The following SPATA22 variants were observed in gnomAD, a reference collection of about 807,000 sequenced individuals.
SPATA22 encodes spermatogenesis-associated protein 22.
A neutral mutation model predicts 47.8 loss-of-function variants in SPATA22; 29 were observed. That is an observed-to-expected ratio of 0.61 (90% confidence interval 0.45 to 0.83). The LOEUF is 0.83. Ranked by LOEUF, SPATA22 falls within the 40% of genes least tolerant of loss-of-function variation. SPATA22 has a pLI of 0.00. For synonymous variants in SPATA22, 133 were observed against 140.9 expected (o/e 0.94, Z 0.40); for missense variants, 410 against 421.7 (o/e 0.97, Z 0.24).
At chr17:3,472,385 C>A (rs896300786), upstream of SPATA22, 1 of 152,342 alleles carries the variant, frequency 6.6e-6, no homozygotes, top group Non-Finnish European at 1.5e-5. Context: ...GGGGAAGCCG[C>A]GTGGTGTGCG....
chr17:3,458,349 A>G (rs1597398552), intron 5 of SPATA22, among the ~76,000 whole-genome samples: 2 of 152,178 alleles, frequency 1.3e-5, no homozygotes, highest in South Asian at 4.1e-4. Flanking sequence ...GTGCAGAAAA[A>G]AGGCAATCCT....
At chr17:3,500,931 G>A (rs1288662332) in intron 1 of SPATA22, 1 of 139,232 alleles carries the variant, frequency 7.2e-6, no homozygotes, top group Non-Finnish European at 1.6e-5. Context: ...TAAGCCCACT[G>A]TTGAGACCTA....
At position 3,462,707 on chromosome 17, in the gene SPATA22, C is replaced by CTA; in HGVS notation, c.232_233insTA (p.Gly78ValfsTer12). 6.2e-7 allele frequency: 1 copy of CTA among 1,611,738 alleles called. No individual in the cohort carries two copies. The highest frequency in any genetic ancestry group is 8.5e-7 in the Non-Finnish European group (1 of 1,177,882). ...CAATGGTTTATATTTCTCCACATAC[C>CTA]CGGTGTCCACTGTTTTCATTACAGG... On this transcript the variant is annotated frameshift_variant and splice_region_variant, in exon 4 of 9. Transcript: ENST00000572969. LOFTEE classifies it high-confidence loss of function.
chr17:3,466,599 T>C (rs2073320070), intron 3 of SPATA22, among the ~76,000 whole-genome samples: 1 of 152,200 alleles, frequency 6.6e-6, no homozygotes, highest in Non-Finnish European at 1.5e-5. Flanking sequence ...CATGTGCCAG[T>C]TGAAGCTGTA....
chr17:3,477,087 G>A (rs923561620), intron 1 of SPATA22, among the ~76,000 whole-genome samples: 1 of 151,940 alleles, frequency 6.6e-6, no homozygotes, highest in African/African-American at 2.4e-5. Flanking sequence ...CCCGGGAGGC[G>A]GAGCTTGCAG....
chr17:3,464,111 C>T lies in SPATA22; in HGVS notation c.173-1344G>A, dbSNP rs1002069688. Among the ~76,000 whole-genome samples, 44 of 152,094 alleles carry T rather than the reference C, an allele frequency of 2.9e-4. 1 individual carries two copies. In the East Asian group the frequency reaches 3.7e-3, roughly 13 times the overall value. On this transcript the variant is annotated intron_variant, in intron 3 of 8. Transcript: ENST00000572969. ...TTCTCCTGCCTCACCCTGCCGAGTG[C>T]CTGCGATTGCAGGCGCGCGCCGCCA...
At chr17:3,461,204 A>G (rs1431878736) in intron 5 of SPATA22, among the ~76,000 whole-genome samples, 1 of 152,210 alleles carries the variant, frequency 6.6e-6, no homozygotes, top group East Asian at 1.9e-4. Flanking sequence ...ATTCCTGATT[A>G]CCTGAAATTC....
At chr17:3,461,351 T>C (rs2073121506) in intron 5 of SPATA22, among the ~76,000 whole-genome samples, 1 of 152,226 alleles carries the variant, frequency 6.6e-6, no homozygotes, top group South Asian at 2.1e-4. Context: ...GATTTTTAAA[T>C]GTTCTGTACT....
chr17:3,456,715 C>G (rs141360051), intron 5 of SPATA22, among the ~76,000 whole-genome samples: 2 of 151,180 alleles, frequency 1.3e-5, no homozygotes, highest in African/African-American at 2.4e-5. Flanking sequence ...AGCATCATCC[C>G]GATACCAAAG....
Position 3,471,632 on chromosome 17 carries a change from G to C in SPATA22, c.-74+50C>G, listed in dbSNP as rs549774289. The C allele has an allele frequency of 1.6e-5, 16 of 985,470 alleles. No individual in the cohort carries two copies. In the South Asian group the frequency reaches 6.1e-4, roughly 38 times the overall value. 61.0% of individuals were successfully genotyped at this position (985,470 alleles called of 1,614,324 possible). A position where few individuals can be genotyped will look rare whatever the true frequency, so the allele number is the denominator to read the frequency against. On this transcript the variant is annotated intron_variant, in intron 1 of 8. Coordinates refer to ENST00000572969, the MANE Select transcript of SPATA22 (RefSeq NM_001170698.2). ...GTCCGAGTTGAGACGCTCTTCCAAA[G>C]GCCTCTCCTGACCCGCCCACGGAGT...
intron 5 of SPATA22, 81 bp from the exon 6 acceptor site, chr17:3,449,230 A>G: frequency 9.4e-7 from 1 of 1,061,120 alleles, no homozygotes; most frequent in Non-Finnish European, 1.3e-6. Context: ...AAATTCATTT[A>G]TATGGCAATT....
chr17:3,451,250 T>C (rs762163861), intron 5 of SPATA22, among the ~76,000 whole-genome samples: 2 of 152,064 alleles, frequency 1.3e-5, no homozygotes, highest in Non-Finnish European at 2.9e-5. Flanking sequence ...GTAAATTCAA[T>C]AGGAAGACAT....
intron 1 of SPATA22, chr17:3,512,781 G>T (rs550639241): frequency 6.6e-6 from 1 of 151,684 alleles, no homozygotes; most frequent in Non-Finnish European, 1.5e-5. Flanking sequence ...TCTCTCACAA[G>T]CTTCCCCTTC....
In SPATA22 at chr17:3,490,803, A is replaced by G. The variant is rs554725006; in HGVS notation, c.-73-21405T>C. ...GGAAAACGTGGTTGGTTTTCAGATC[A>G]TAGTCCATAGAATCCTATCACAACG... On this transcript the variant is annotated intron_variant, in intron 1 of 8. Transcript: ENST00000541913. The surrounding 1 kb of genome is among the most constrained non-coding windows in gnomAD (Gnocchi z 4.6). 3.4e-4 allele frequency among the ~76,000 whole-genome samples: 52 copies of G among 152,334 alleles called. No homozygotes were observed. The highest frequency in any genetic ancestry group is 3.4e-3 in the Middle Eastern group (1 of 294).
intron 1 of SPATA22, among the ~76,000 whole-genome samples, chr17:3,509,952 C>T (rs1055102250): frequency 1.2e-4 from 19 of 152,102 alleles, no homozygotes; most frequent in Admixed American, 5.2e-4. Flanking sequence ...TTGTTGGCCA[C>T]GTAAATGTCT....
At chr17:3,473,114 A>C (rs2073471032), upstream of SPATA22, among the ~76,000 whole-genome samples, 1 of 151,714 alleles carries the variant, frequency 6.6e-6, no homozygotes, top group Admixed American at 6.6e-5. Flanking sequence ...TTCATTAAAA[A>C]AAAAAAAAAA....
chr17:3,504,718 T>C (rs35181909), intron 1 of SPATA22, among the ~76,000 whole-genome samples: 136,907 of 151,720 alleles, frequency 0.9, 62,720 homozygotes, highest in Non-Finnish European at 0.98. Flanking sequence ...CCACCACGCC[T>C]GGCTAATTTT....
upstream of SPATA22, chr17:3,473,990 A>G (rs918342214): frequency 2.0e-5 from 3 of 152,220 alleles, no homozygotes; most frequent in African/African-American, 7.2e-5. Context: ...CTAATAAAAA[A>G]GTGTGGTTTT....
intron 1 of SPATA22, chr17:3,503,476 A>C (rs1456015265): frequency 6.6e-6 from 1 of 152,136 alleles, no homozygotes; most frequent in African/African-American, 2.4e-5. Context: ...CCTGCTGTGA[A>C]TGTTCCGTTG....
Sources: gnomAD v4.1 joint callset for allele counts (sites outside exome capture counted in the v4.1 genomes callset) on GRCh38, gnomAD v4.1.1 for gene constraint, Gnocchi (gnomAD v3.1) non-coding constraint, MANE v1.5 for transcripts, NCBI Gene and HGNC (gene_info 2026-07-23, HGNC 2026-07-21) for gene names.